The following LINGO1 variants were observed in gnomAD, a reference collection of about 807,000 sequenced individuals.
The protein encoded by LINGO1 is leucine-rich repeat and immunoglobulin-like domain-containing nogo receptor-interacting protein 1.
Under a neutral mutation model 37.3 loss-of-function variants are expected in LINGO1, and 11 were observed. That is an observed-to-expected ratio of 0.29 (90% CI 0.19 to 0.49). The LOEUF (loss-of-function observed/expected upper bound fraction) is 0.49. LINGO1 is among the 20% of genes least tolerant of loss of function. The pLI is 0.99. For missense variants in LINGO1, 585 were observed against 878.2 expected (o/e 0.67, Z 4.22); for synonymous variants, 387 against 403.0 (o/e 0.96, Z 0.48).
chr15:77,774,179 G>A (rs1276563655), intron 1 of LINGO1, among the ~76,000 whole-genome samples: 1 of 152,118 alleles, frequency 6.6e-6, no homozygotes, highest in Non-Finnish European at 1.5e-5. Flanking sequence ...ACAGCCTAGA[G>A]GGTGGTGAGT....
chr15:77,700,129 A>G (rs2075763745), upstream of LINGO1, among the ~76,000 whole-genome samples: 1 of 152,130 alleles, frequency 6.6e-6, no homozygotes, highest in Admixed American at 6.5e-5. Context: ...TCCCAGGTAG[A>G]GGGTCCCTTG....
chr15:77,816,868 C>T (rs1457258745), intron 1 of LINGO1, among the ~76,000 whole-genome samples: 3 of 152,060 alleles, frequency 2.0e-5, no homozygotes, highest in Admixed American at 2.0e-4. Context: ...CCAAGCTAGG[C>T]GTCTTGCCAT....
intron 1 of LINGO1, among the ~76,000 whole-genome samples, chr15:77,691,095 T>TA (rs1274731976): frequency 6.6e-6 from 1 of 152,226 alleles, no homozygotes; most frequent in African/African-American, 2.4e-5. Context: ...CACTGTCCAA[T>TA]ATGGCAGCCA....
chr15:77,630,951 C>T (rs1038394734), intron 1 of LINGO1, among the ~76,000 whole-genome samples: 3 of 152,216 alleles, frequency 2.0e-5, no homozygotes, highest in Non-Finnish European at 4.4e-5. Flanking sequence ...CATGCCATCC[C>T]AGTAGACCTG....
At chr15:77,770,342 C>A (rs894852485) in intron 1 of LINGO1, among the ~76,000 whole-genome samples, 2 of 152,122 alleles carry the variant, frequency 1.3e-5, no homozygotes, top group Admixed American at 6.5e-5. Flanking sequence ...AATCCCAGCA[C>A]TTTGGGAGGC....
At chr15:77,701,319 G>A (rs1023268910), upstream of LINGO1, among the ~76,000 whole-genome samples, 1 of 152,146 alleles carries the variant, frequency 6.6e-6, no homozygotes, top group Non-Finnish European at 1.5e-5. Context: ...GGGCCAAGGT[G>A]GTCTGGCAGC....
chr15:77,679,166 G>A, intron 2 of LINGO1, among the ~76,000 whole-genome samples: 1 of 152,220 alleles, frequency 6.6e-6, no homozygotes, highest in East Asian at 1.9e-4. Flanking sequence ...CTCCCAAAAT[G>A]CTGGGATTAT....
At chr15:77,691,687 G>C (rs1432949417) in intron 1 of LINGO1, among the ~76,000 whole-genome samples, 1 of 152,038 alleles carries the variant, frequency 6.6e-6, no homozygotes, top group Non-Finnish European at 1.5e-5. Context: ...ATTTATAACA[G>C]CAAGACACTG....
intron 1 of LINGO1, among the ~76,000 whole-genome samples, chr15:77,750,238 G>A (rs555809682): frequency 1.3e-5 from 2 of 152,018 alleles, no homozygotes; most frequent in East Asian, 1.9e-4. Context: ...CTGCCTTCCC[G>A]TGAGGCCGCC....
intron 3 of LINGO1, among the ~76,000 whole-genome samples, chr15:77,644,755 C>T (rs751288117): frequency 6.6e-6 from 1 of 152,272 alleles, no homozygotes; most frequent in African/African-American, 2.4e-5. Flanking sequence ...ATTTGACAGA[C>T]GAGAAAACTG....
At chr15:77,689,521 T>A (rs188828079) in intron 2 of LINGO1, among the ~76,000 whole-genome samples, 1 of 152,314 alleles carries the variant, frequency 6.6e-6, no homozygotes, top group Non-Finnish European at 1.5e-5. Context: ...CCACCTCACC[T>A]GGGCCATCCA....
At position 77,614,039 on chromosome 15, in the gene LINGO1, C is replaced by T. The variant is rs1209836370; in HGVS notation, c.*5G>A. 18 of 1,564,542 alleles carry T rather than the reference C, an allele frequency of 1.2e-5. No homozygotes were observed. The East Asian group carries it at 1.7e-4, about 15-fold the overall frequency. ...GCCCGGGGGTCCCTGCCCCCCGCCCCGGCCTCATATCATCTTCATGTTGAA... is the reference window on the plus strand; with the variant it reads ...GCCCGGGGGTCCCTGCCCCCCGCCCTGGCCTCATATCATCTTCATGTTGAA... On this transcript the variant is annotated 3_prime_UTR_variant, in exon 2 of 2. Coordinates refer to ENST00000355300, the MANE Select transcript of LINGO1 (RefSeq NM_032808.7).
upstream of LINGO1, among the ~76,000 whole-genome samples, chr15:77,697,123 A>C (rs1437970819): frequency 2.0e-5 from 3 of 152,208 alleles, no homozygotes; most frequent in Admixed American, 2.0e-4. Flanking sequence ...CAGCCTGGGC[A>C]ATAGAGCCGG....
intron 3 of LINGO1, among the ~76,000 whole-genome samples, chr15:77,656,278 A>G (rs1465953948): frequency 6.6e-6 from 1 of 152,118 alleles, no homozygotes; most frequent in East Asian, 1.9e-4. Context: ...CAACCCTTGC[A>G]GCCCCAGACA....
At chr15:77,742,120 G>T (rs1345026497) in intron 1 of LINGO1, among the ~76,000 whole-genome samples, 1 of 152,220 alleles carries the variant, frequency 6.6e-6, no homozygotes, top group East Asian at 1.9e-4. Flanking sequence ...CAGGCAGAGG[G>T]GCCGCTCCCA....
rs917561822 is a variant in LINGO1, at chr15:77,719,328, G to A, written c.-195+15664C>T. 1.3e-5 allele frequency among the ~76,000 whole-genome samples: 2 copies of A among 150,080 alleles called. 1 individual carries two copies. The highest frequency in any genetic ancestry group is 1.3e-4 in the Admixed American group (2 of 14,984). On this transcript the variant is annotated intron_variant, in intron 2 of 3. Coordinates refer to the LINGO1 transcript ENST00000561686. ...CAGCACCAAGACACTTCTACTCGGGGCTTCTGGGACCCCATCTCCATTCGG... is the reference window on the plus strand; with the variant it reads ...CAGCACCAAGACACTTCTACTCGGGACTTCTGGGACCCCATCTCCATTCGG...
intron 1 of LINGO1, among the ~76,000 whole-genome samples, chr15:77,748,855 CTTATTTAT>C (rs71145856): frequency 0.025 from 3,215 of 128,708 alleles, 139 homozygotes; most frequent in African/African-American, 0.093. Context: ...GGCCCCTAGC[CTTATTTAT>C]TTATTTATTT....
intron 3 of LINGO1, chr15:77,641,707 C>G (rs1473815150): frequency 5.3e-6 from 2 of 379,406 alleles, no homozygotes; most frequent in Non-Finnish European, 1.1e-5. Context: ...CCATCTTGAC[C>G]CACTGTGGAG....
chr15:77,784,418 C>T (rs974412016), intron 1 of LINGO1, among the ~76,000 whole-genome samples: 1 of 152,238 alleles, frequency 6.6e-6, no homozygotes, highest in African/African-American at 2.4e-5. Flanking sequence ...CCCTGCCCAG[C>T]AAGCGGCTGA....
Sources: gnomAD v4.1 joint callset for allele counts (sites outside exome capture counted in the v4.1 genomes callset) on GRCh38, gnomAD v4.1.1 for gene constraint, MANE v1.5 for transcripts, NCBI Gene and HGNC (gene_info 2026-07-23, HGNC 2026-07-21) for gene names.